The following SLC4A1AP variants were observed in gnomAD, a reference collection of about 807,000 sequenced individuals.
SLC4A1AP encodes the protein solute carrier family 4 member 1 adaptor protein.
A neutral mutation model predicts 89.7 loss-of-function variants in SLC4A1AP; 64 were observed. That is an observed-to-expected ratio of 0.71 (90% CI 0.58 to 0.88). The LOEUF (loss-of-function observed/expected upper bound fraction) is 0.88. Ranked by LOEUF, SLC4A1AP falls within the 40% of genes least tolerant of loss-of-function variation. The pLI, the probability that SLC4A1AP is intolerant of heterozygous loss-of-function variation, is 0.00. For missense variants in SLC4A1AP, 931 were observed against 965.0 expected (o/e 0.96, Z 0.47); for synonymous variants, 366 against 353.3 (o/e 1.04, Z -0.40).
chr2:27,669,040 G>A (rs1285747372), intron 4 of SLC4A1AP, 137 bp downstream of exon 4: 7 of 1,045,968 alleles, frequency 6.7e-6, no homozygotes, highest in Non-Finnish European at 9.9e-6. Flanking sequence ...TTATCGTTTA[G>A]TAACCCTTAT....
At chr2:27,664,120 C>T (rs759494233) in exon 1 of SLC4A1AP, 3 of 1,614,190 alleles carry the variant, frequency 1.9e-6, no homozygotes, top group Admixed American at 1.7e-5. Context: ...CCTCCTCAGC[C>T]GGACTGCGGT....
intron 13 of SLC4A1AP, 77 bp from the exon 14 acceptor site, chr2:27,694,557 A>G (rs1275963438): frequency 3.6e-6 from 4 of 1,101,014 alleles, no homozygotes; most frequent in African/African-American, 3.2e-5. Flanking sequence ...TTTTTGGCCT[A>G]CTGATATCTG....
chr2:27,685,167 T>C (rs762193307), exon 10 of SLC4A1AP: 3 of 1,613,994 alleles, frequency 1.9e-6, no homozygotes, highest in East Asian at 4.5e-5. Flanking sequence ...AAGAAAAAAC[T>C]GGAGGATGGA....
At chr2:27,677,604 C>T (rs907964803) in intron 7 of SLC4A1AP, 134 bp from the exon 8 acceptor site, 4 of 739,704 alleles carry the variant, frequency 5.4e-6, no homozygotes, top group South Asian at 2.0e-5. Context: ...TGGCTATAAC[C>T]TGTTCCTTAT....
At chr2:27,687,796 A>C in intron 10 of SLC4A1AP, 138 bp from the exon 11 acceptor site, 1 of 615,726 alleles carries the variant, frequency 1.6e-6, no homozygotes, top group South Asian at 2.2e-5. Context: ...TTAAAACCTT[A>C]AGATTAGTTG....
chr2:27,681,113 G>A (rs1211491114), intron 8 of SLC4A1AP, among the ~76,000 whole-genome samples: 5 of 152,144 alleles, frequency 3.3e-5, no homozygotes, highest in African/African-American at 4.8e-5. Context: ...AGGCCAGCCT[G>A]GCTTTTTAAT....
At chr2:27,678,515 A>G (rs1675560961) in intron 8 of SLC4A1AP, among the ~76,000 whole-genome samples, 2 of 151,764 alleles carry the variant, frequency 1.3e-5, no homozygotes, top group African/African-American at 4.9e-5. Flanking sequence ...CATGGGTGAC[A>G]GAGGAAGTTC....
intron 8 of SLC4A1AP, among the ~76,000 whole-genome samples, chr2:27,681,340 T>A (rs898964954): frequency 3.9e-5 from 6 of 152,144 alleles, no homozygotes; most frequent in Non-Finnish European, 8.8e-5. Context: ...ACTAAGGGGA[T>A]AAGACTTAGG....
chr2:27,689,573 C>G (rs556818601), intron 12 of SLC4A1AP, among the ~76,000 whole-genome samples: 90 of 152,216 alleles, frequency 5.9e-4, no homozygotes, highest in Admixed American at 1.6e-3. Context: ...GCAACACTTG[C>G]GAAATGTTGC....
At chr2:27,691,782 A>T (rs1306758456) in intron 12 of SLC4A1AP, 1 of 151,836 alleles carries the variant, frequency 6.6e-6, no homozygotes, top group African/African-American at 2.4e-5. Flanking sequence ...TAGAAGCAGG[A>T]TTTCACCATG....
intron 6 of SLC4A1AP, among the ~76,000 whole-genome samples, chr2:27,676,829 C>CAA (rs150750243): frequency 1.5e-4 from 14 of 96,054 alleles, no homozygotes; most frequent in African/African-American, 1.5e-4. Context: ...GACTCCATCT[C>CAA]AAAAAAAAAA....
rs1176563193 is a variant in SLC4A1AP, at chr2:27,693,835, A to C, written c.2341+81A>C. ...AGGTAATATAGATTTAAGGTTCAAC[A>C]TAAGAAAGTTACAAGAGTATGTAGT... On this transcript the variant is annotated intron_variant, in intron 13 of 13. Transcript: ENST00000613058. 3 of 1,066,218 alleles carry C rather than the reference A, an allele frequency of 2.8e-6. No homozygotes were observed. In the African/African-American group the frequency reaches 4.9e-5, roughly 17 times the overall value. The allele number at this position is 1,066,218 out of a possible 1,614,324, so 66.0% of individuals were successfully genotyped here. A position where few individuals can be genotyped will look rare whatever the true frequency, so the allele number is the denominator to read the frequency against.
At chr2:27,670,945 A>ATGGAGTCTCACTCTGTCACCCAGAC (rs559434559) in intron 5 of SLC4A1AP, among the ~76,000 whole-genome samples, 2,298 of 111,212 alleles carry the variant, frequency 0.021, 91 homozygotes, top group African/African-American at 0.075. Flanking sequence ...TTTTTTTGAG[A>ATGGAGTCTCACTCTGTCACCCAGAC]TGGAGTCTCA....
chr2:27,674,680 T>C (rs1190522885), intron 5 of SLC4A1AP, among the ~76,000 whole-genome samples: 3 of 151,974 alleles, frequency 2.0e-5, no homozygotes, highest in Non-Finnish European at 4.4e-5. Flanking sequence ...ATTGTCCTTT[T>C]TCTCATTTTT....
chr2:27,667,324 C>G lies in SLC4A1AP; in HGVS notation c.1078C>G (p.Gln360Glu), dbSNP rs376599510. The G allele has an allele frequency of 1.5e-5, 25 of 1,613,256 alleles. No homozygotes were observed. In the Middle Eastern group the frequency reaches 9.9e-4, roughly 64 times the overall value. Residue 360 changes from glutamine (Q) to glutamate (E), a missense_variant, in exon 3 of 14, where the codon CAG (glutamine) becomes GAG (glutamate). By Grantham distance (29) the Gln-to-Glu change is conservative (BLOSUM62 2). Transcript: ENST00000613058. Reference sequence around the variant, plus strand: ...GAACCCTATTGTCTTAGAGTTTCAGCAGGAAAGGGAGGCCTTTTATATAAA... The same window carrying G: ...GAACCCTATTGTCTTAGAGTTTCAGGAGGAAAGGGAGGCCTTTTATATAAA...
exon 1 of SLC4A1AP, chr2:27,664,292 C>T: frequency 6.2e-7 from 1 of 1,614,208 alleles, no homozygotes; most frequent in Non-Finnish European, 8.5e-7. Flanking sequence ...TCCTTGGCAC[C>T]CGTAGCTTGA....
Sources: allele counts gnomAD v4.1 joint callset (sites outside exome capture counted in the v4.1 genomes callset), GRCh38; gene constraint gnomAD v4.1.1; transcripts MANE v1.5; gene names NCBI Gene and HGNC (gene_info 2026-07-23, HGNC 2026-07-21).